The following RBFOX2 variants were observed in gnomAD, a reference collection of about 807,000 sequenced individuals.
RBFOX2 encodes RNA binding fox-1 homolog 2, also known as RNA binding protein fox-1 homolog 2.
RBFOX2 carries 10 observed loss-of-function variants against 49.1 expected under a neutral mutation model. The ratio of observed to expected loss-of-function variants is 0.20; its 90% CI spans 0.13 to 0.35. RBFOX2 has a LOEUF of 0.35. RBFOX2 is among the 10% of genes least tolerant of loss of function. The pLI is 1.00. For missense variants in RBFOX2, 323 were observed against 486.9 expected (o/e 0.66, Z 3.17); for synonymous variants, 183 against 187.4 (o/e 0.98, Z 0.19).
intron 2 of RBFOX2, among the ~76,000 whole-genome samples, chr22:35,782,873 A>T (rs993955710): frequency 2.0e-5 from 3 of 152,222 alleles, no homozygotes; most frequent in Non-Finnish European, 2.9e-5. Flanking sequence ...TTTATTTTTT[A>T]ATTTTTTACT....
chr22:35,929,184 G>A (rs1197728055), intron 1 of RBFOX2, among the ~76,000 whole-genome samples: 2 of 150,970 alleles, frequency 1.3e-5, no homozygotes, highest in African/African-American at 2.4e-5. Flanking sequence ...GGTTTAACTG[G>A]GTTAACCAGG....
At chr22:35,913,684 T>C (rs1190860889) in intron 1 of RBFOX2, among the ~76,000 whole-genome samples, 1 of 151,792 alleles carries the variant, frequency 6.6e-6, no homozygotes, top group Non-Finnish European at 1.5e-5. Flanking sequence ...AAATTCCAGG[T>C]GGGGATAAAC....
chr22:35,985,944 ATAGATAG>A (rs1216802565), intron 1 of RBFOX2, among the ~76,000 whole-genome samples: 309 of 146,404 alleles, frequency 2.1e-3, no homozygotes, highest in African/African-American at 7.4e-3. Flanking sequence ...AGATAGATAG[ATAGATAG>A]ATAGAGTCTT....
chr22:36,026,854 C>T (rs561042388), intron 1 of RBFOX2, among the ~76,000 whole-genome samples: 4 of 152,262 alleles, frequency 2.6e-5, no homozygotes, highest in Non-Finnish European at 1.5e-5. Flanking sequence ...ATACAACAAA[C>T]ATGCTAGGCT....
intron 2 of RBFOX2, among the ~76,000 whole-genome samples, chr22:35,798,701 C>CA (rs899206365): frequency 1.3e-5 from 2 of 151,992 alleles, no homozygotes; most frequent in Admixed American, 6.6e-5. Context: ...ATATGTATTT[C>CA]AAAAAATTAT....
upstream of RBFOX2, among the ~76,000 whole-genome samples, chr22:35,845,380 G>C (rs571097291): frequency 1.3e-4 from 19 of 147,902 alleles, no homozygotes; most frequent in Admixed American, 7.4e-4. Context: ...CAGTCATATA[G>C]AACCCATTCA....
At chr22:35,743,586 A>G (rs551520981) in exon 12 of RBFOX2, 45 of 152,532 alleles carry the variant, frequency 3.0e-4, no homozygotes, top group African/African-American at 1.1e-3. Flanking sequence ...AAAAGAACGG[A>G]GAAGACAGGA....
intron 1 of RBFOX2, among the ~76,000 whole-genome samples, chr22:35,948,412 A>T (rs192354216): frequency 6.6e-6 from 1 of 152,330 alleles, no homozygotes; most frequent in African/African-American, 2.4e-5. Context: ...AATAAATAAA[A>T]TTCTGGCCAG....
chr22:35,891,734 C>T (rs1287007945), intron 1 of RBFOX2, among the ~76,000 whole-genome samples: 1 of 151,792 alleles, frequency 6.6e-6, no homozygotes, highest in Admixed American at 6.6e-5. Flanking sequence ...AATCATCAAA[C>T]AAGTAAGTTG....
At chr22:35,771,297 C>G (rs1047908036) in intron 4 of RBFOX2, among the ~76,000 whole-genome samples, 4 of 152,086 alleles carry the variant, frequency 2.6e-5, no homozygotes, top group African/African-American at 4.8e-5. Context: ...CAGGAGAGTC[C>G]GAATCAGAGT....
At chr22:35,908,470 G>C (rs757181245) in intron 1 of RBFOX2, among the ~76,000 whole-genome samples, 1 of 152,168 alleles carries the variant, frequency 6.6e-6, no homozygotes, top group Non-Finnish European at 1.5e-5. Context: ...TTATAATAAA[G>C]TGTTGAATAT....
intron 2 of RBFOX2, among the ~76,000 whole-genome samples, chr22:35,807,842 G>A (rs982439154): frequency 6.6e-6 from 1 of 151,752 alleles, no homozygotes; most frequent in African/African-American, 2.4e-5. Flanking sequence ...TAGCTAGACT[G>A]ACCAATAAAA....
intron 1 of RBFOX2, among the ~76,000 whole-genome samples, chr22:36,027,438 T>C (rs572153039): frequency 2.5e-4 from 38 of 152,304 alleles, no homozygotes; most frequent in African/African-American, 8.9e-4. Flanking sequence ...TCAATACCTT[T>C]CCCATTCCCT....
At chr22:35,776,893 T>TTC (rs1220154081) in intron 4 of RBFOX2, among the ~76,000 whole-genome samples, 1 of 152,202 alleles carries the variant, frequency 6.6e-6, no homozygotes, top group African/African-American at 2.4e-5. Context: ...TTTTTTTTTT[T>TTC]TCACAACACC....
At chr22:35,954,770 A>G (rs1032689647) in intron 1 of RBFOX2, among the ~76,000 whole-genome samples, 6 of 152,232 alleles carry the variant, frequency 3.9e-5, no homozygotes, top group Admixed American at 3.9e-4. Flanking sequence ...TTCTTTTCTC[A>G]AAAGAACTCA....
chr22:35,837,641 G>C (rs548424944), intron 1 of RBFOX2, among the ~76,000 whole-genome samples: 1 of 152,112 alleles, frequency 6.6e-6, no homozygotes, highest in African/African-American at 2.4e-5. Context: ...CATTAACACA[G>C]AAAGTATATA....
At chr22:35,864,679 G>C (rs2043470623) in intron 1 of RBFOX2, among the ~76,000 whole-genome samples, 1 of 152,216 alleles carries the variant, frequency 6.6e-6, no homozygotes, top group African/African-American at 2.4e-5. Context: ...CACAAGGTCT[G>C]AATCAGTTAT....
chr22:35,814,728 AAAAAAAAAG>A, intron 1 of RBFOX2, among the ~76,000 whole-genome samples: 1 of 150,186 alleles, frequency 6.7e-6, no homozygotes, highest in African/African-American at 2.4e-5. Flanking sequence ...AAAAAAAAAA[AAAAAAAAAG>A]AAAAGAAAAG....
At chr22:35,844,413 G>GTTAT (rs1273175136), upstream of RBFOX2, among the ~76,000 whole-genome samples, 1 of 152,128 alleles carries the variant, frequency 6.6e-6, no homozygotes, top group African/African-American at 2.4e-5. Context: ...AGAATGAAGA[G>GTTAT]CACCTATGTA....
Sources: allele counts gnomAD v4.1 joint callset (sites outside exome capture counted in the v4.1 genomes callset), GRCh38; gene constraint gnomAD v4.1.1; transcripts MANE v1.5; gene names NCBI Gene and HGNC (gene_info 2026-07-23, HGNC 2026-07-21).